Variants in HORMAD1 observed in about 807,000 individuals in gnomAD.
The protein encoded by HORMAD1 is HORMA domain-containing protein 1.
Under a neutral mutation model 58.2 loss-of-function variants are expected in HORMAD1, and 33 were observed. The observed-to-expected ratio is 0.57, with a 90% CI of 0.43 to 0.76. HORMAD1 has a LOEUF of 0.76. HORMAD1 is among the 30% of genes least tolerant of loss of function. The pLI, the probability that HORMAD1 is intolerant of heterozygous loss-of-function variation, is 0.00. For missense variants in HORMAD1, 363 were observed against 462.0 expected (o/e 0.79, Z 1.96); for synonymous variants, 137 against 144.6 (o/e 0.95, Z 0.38).
intron 2 of HORMAD1, 37 bp from the exon 3 acceptor site, chr1:150,717,319 T>C (rs762191760): frequency 7.5e-7 from 1 of 1,325,126 alleles, no homozygotes; most frequent in South Asian, 1.6e-5. Context: ...TTTATTTAAA[T>C]TTATTAAAAA....
At chr1:150,713,917 G>T (rs1256471876) in intron 5 of HORMAD1, 168 bp downstream of exon 5, 2 of 599,202 alleles carry the variant, frequency 3.3e-6, no homozygotes, top group East Asian at 3.2e-5. Flanking sequence ...ATCTTTAAAT[G>T]AGTTGATGAT....
At chr1:150,717,964 C>A (rs1458286255) in intron 2 of HORMAD1, among the ~76,000 whole-genome samples, 1 of 152,066 alleles carries the variant, frequency 6.6e-6, no homozygotes, top group Non-Finnish European at 1.5e-5. Context: ...AGTATATAAT[C>A]ATTATATAAT....
At chr1:150,714,231 T>G (rs1453442909) in intron 4 of HORMAD1, 110 bp from the exon 5 acceptor site, 1 of 637,192 alleles carries the variant, frequency 1.6e-6, no homozygotes, top group Non-Finnish European at 2.7e-6. Flanking sequence ...AAATGTCTTA[T>G]TAAAGCTCCC....
chr1:150,720,416 T>C (rs1446666068), intron 1 of HORMAD1, among the ~76,000 whole-genome samples: 2 of 152,138 alleles, frequency 1.3e-5, no homozygotes, highest in African/African-American at 4.8e-5. Flanking sequence ...TTGGTCAGGC[T>C]GGTCTCAAAT....
At chr1:150,703,246 T>C (rs1432779042) in intron 13 of HORMAD1, 64 bp downstream of exon 13, 1 of 854,234 alleles carries the variant, frequency 1.2e-6, no homozygotes, top group Non-Finnish European at 1.9e-6. Flanking sequence ...AATATTAAAA[T>C]AAACTCACAT....
chr1:150,720,073 T>TATAC (rs1240345254), intron 1 of HORMAD1, among the ~76,000 whole-genome samples: 2 of 69,510 alleles, frequency 2.9e-5, no homozygotes, highest in Admixed American at 1.6e-4. Context: ...ACCATATATA[T>TATAC]ATATACAATT....
chr1:150,699,690 ATTT>A (rs765754825), intron 14 of HORMAD1, among the ~76,000 whole-genome samples: 1 of 105,408 alleles, frequency 9.5e-6, no homozygotes, highest in Non-Finnish European at 2.1e-5. Context: ...ACGCCCAGCT[ATTT>A]TTTTTTTTTT....
At chr1:150,714,024 C>T in intron 5 of HORMAD1, 61 bp downstream of exon 5, 1 of 1,028,716 alleles carries the variant, frequency 9.7e-7, no homozygotes, top group East Asian at 2.5e-5. Flanking sequence ...ATCATAACTC[C>T]AGTTATATTT....
At chr1:150,715,393 G>T (rs1652037667) in intron 3 of HORMAD1, among the ~76,000 whole-genome samples, 1 of 152,120 alleles carries the variant, frequency 6.6e-6, no homozygotes, top group African/African-American at 2.4e-5. Context: ...CAGTGGAAAA[G>T]ACTGAGAGTC....
At chr1:150,717,791 G>A (rs974520938) in intron 2 of HORMAD1, among the ~76,000 whole-genome samples, 4 of 151,918 alleles carry the variant, frequency 2.6e-5, no homozygotes, top group South Asian at 2.1e-4. Flanking sequence ...TTAGCTGGGC[G>A]TGGTGGCAGG....
Position 150,699,693 on chromosome 1 carries a change from T to G in HORMAD1, c.1104+419A>C, listed in dbSNP as rs112126423. ...GCGTGCGCCACCACGCCCAGCTATT[T>G]TTTTTTTTTTTTGTATTTTTGGTAG... On this transcript the variant is annotated intron_variant, in intron 14 of 14. Transcript: ENST00000361824. Among the ~76,000 whole-genome samples the G allele has an allele frequency of 0.018, 1,074 of 60,804 alleles. 68 individuals carry two copies. In the East Asian group the frequency reaches 0.23, roughly 13 times the overall value. The allele number at this position is 60,804 out of a possible 152,430, so 39.9% of individuals were successfully genotyped here.
At chr1:150,704,722 C>T (rs181204366) in intron 10 of HORMAD1, among the ~76,000 whole-genome samples, 36 of 152,082 alleles carry the variant, frequency 2.4e-4, no homozygotes, top group African/African-American at 8.2e-4. Flanking sequence ...GGAGACAGGA[C>T]GAGACCCTGA....
intron 1 of HORMAD1, 47 bp downstream of exon 1, chr1:150,720,757 A>T (rs1479876785): frequency 6.6e-6 from 1 of 152,216 alleles, no homozygotes; most frequent in Non-Finnish European, 1.5e-5. Flanking sequence ...TTAAAAAGTA[A>T]AATATACGCA....
chr1:150,714,469 G>T (rs995051116), intron 4 of HORMAD1, 146 bp downstream of exon 4: 8 of 447,314 alleles, frequency 1.8e-5, no homozygotes, highest in African/African-American at 1.6e-4. Context: ...AAACTTCGGT[G>T]GAAAATTTAA....
chr1:150,706,714 C>T lies in HORMAD1; in HGVS notation c.643G>A (p.Val215Ile). The change falls in exon 10 of 15, where the codon GTC (valine) becomes ATC (isoleucine). Residue 215 changes from valine (V) to isoleucine (I), a missense_variant. Transcript: ENST00000361824. ...TTGAAGATGTGAAAAGGTGTTGAGA[C>T]TTCTCCCACATTTAAATACATAGGT... is the stretch of plus-strand genomic sequence containing the variant. ...GEPMYLNVGE[V>I]STPFHIFKVK... The T allele has an allele frequency of 6.2e-7, 1 of 1,613,756 alleles. No individual in the cohort carries two copies. Among genetic ancestry groups the T allele is most frequent in the Non-Finnish European group, 8.5e-7 (1 of 1,179,800 alleles).
intron 12 of HORMAD1, 138 bp from the exon 13 acceptor site, chr1:150,703,531 C>T: frequency 1.9e-6 from 1 of 536,772 alleles, no homozygotes. Context: ...TGAGTTGGTT[C>T]ATACTGTTCA....
intron 13 of HORMAD1, among the ~76,000 whole-genome samples, chr1:150,702,147 CATGTGG>C (rs1651554968): frequency 6.6e-6 from 1 of 152,140 alleles, no homozygotes; most frequent in Non-Finnish European, 1.5e-5. Context: ...AGAAGACATT[CATGTGG>C]CCAACAAACA....
At chr1:150,712,620 C>T (rs769417006) in intron 5 of HORMAD1, among the ~76,000 whole-genome samples, 4 of 152,176 alleles carry the variant, frequency 2.6e-5, no homozygotes, top group Non-Finnish European at 5.9e-5. Context: ...ATGATCTCAG[C>T]TTACTGCAAT....
chr1:150,700,052 T>C (rs756941548), intron 14 of HORMAD1, 60 bp downstream of exon 14: 13 of 783,294 alleles, frequency 1.7e-5, no homozygotes, highest in Non-Finnish European at 2.5e-5. Context: ...ATTTAATCTG[T>C]AGTAATGATA....
Sources: allele counts gnomAD v4.1 joint callset (sites outside exome capture counted in the v4.1 genomes callset), GRCh38; gene constraint gnomAD v4.1.1; transcripts MANE v1.5; gene names NCBI Gene and HGNC (gene_info 2026-07-23, HGNC 2026-07-21).